Variants in ADARB2 observed in about 807,000 individuals in gnomAD.
The protein encoded by ADARB2 is inactive double-stranded RNA-specific editase B2.
In ADARB2, 25 loss-of-function variants were observed where a neutral mutation model predicts 62.2. The observed-to-expected ratio is 0.40, with a 90% confidence interval of 0.29 to 0.56. The LOEUF is 0.56. Ranked by LOEUF, ADARB2 falls within the 20% of genes least tolerant of loss-of-function variation. The pLI is 0.43. For missense variants in ADARB2, 1,071 were observed against 1,077.4 expected (o/e 0.99, Z 0.08); for synonymous variants, 572 against 500.8 (o/e 1.14, Z -1.90).
intron 1 of ADARB2, among the ~76,000 whole-genome samples, chr10:1,627,026 G>A (rs1239968433): frequency 3.3e-5 from 5 of 151,684 alleles, no homozygotes; most frequent in Admixed American, 2.6e-4. Context: ...GGGCCCCGGC[G>A]CACCCGCTAG....
At chr10:1,597,307 C>A (rs1174105667) in intron 1 of ADARB2, among the ~76,000 whole-genome samples, 1 of 152,076 alleles carries the variant, frequency 6.6e-6, no homozygotes, top group Admixed American at 6.6e-5. Context: ...ATCTTTAAGG[C>A]AATTCCCAAT....
intron 1 of ADARB2, among the ~76,000 whole-genome samples, chr10:1,512,501 A>C (rs1217936860): frequency 6.6e-6 from 1 of 152,224 alleles, no homozygotes; most frequent in African/African-American, 2.4e-5. Flanking sequence ...TCCTCAAAGC[A>C]ACAGAATGAG....
rs188005720 is a variant in ADARB2, at chr10:1,418,625, C to T, written c.101-39465G>A. 7.2e-5 allele frequency among the ~76,000 whole-genome samples: 11 copies of T among 152,270 alleles called. No homozygotes were observed. The East Asian group carries it at 1.3e-3, about 19-fold the overall frequency. On this transcript the variant is annotated intron_variant, in intron 1 of 9. Transcript: ENST00000381312. ...TCTGGTGTCTTGAGGAAATTATTTCCGCTATTATCTTTCACACAGGGCTCT... is the reference window on the plus strand; with the variant it reads ...TCTGGTGTCTTGAGGAAATTATTTCTGCTATTATCTTTCACACAGGGCTCT...
chr10:1,308,663 G>T (rs1038667112), intron 3 of ADARB2, among the ~76,000 whole-genome samples: 1 of 152,202 alleles, frequency 6.6e-6, no homozygotes, highest in Non-Finnish European at 1.5e-5. Context: ...CTGGCATTTG[G>T]TGGTGTCAGT....
chr10:1,479,881 A>C (rs1421196808), intron 1 of ADARB2, among the ~76,000 whole-genome samples: 1 of 152,232 alleles, frequency 6.6e-6, no homozygotes, highest in African/African-American at 2.4e-5. Context: ...CTCCGTGCTT[A>C]AGCCAGGTTC....
chr10:1,241,228 C>T (rs552992761), intron 5 of ADARB2, among the ~76,000 whole-genome samples: 2 of 152,048 alleles, frequency 1.3e-5, no homozygotes, highest in South Asian at 4.2e-4. Context: ...CATTGCACTC[C>T]AGCCTGGGCG....
intron 1 of ADARB2, among the ~76,000 whole-genome samples, chr10:1,508,643 G>A (rs1219738736): frequency 6.6e-6 from 1 of 152,210 alleles, no homozygotes; most frequent in Non-Finnish European, 1.5e-5. Context: ...GCCGGATGTG[G>A]TGGTGGGCAC....
At chr10:1,690,216 C>A (rs191181997) in intron 1 of ADARB2, among the ~76,000 whole-genome samples, 1 of 152,204 alleles carries the variant, frequency 6.6e-6, no homozygotes, top group Non-Finnish European at 1.5e-5. Flanking sequence ...CTCGTAGGAG[C>A]ACATGCTCAG....
intron 6 of ADARB2, among the ~76,000 whole-genome samples, chr10:1,227,823 A>T (rs1589157957): frequency 2.0e-5 from 3 of 152,242 alleles, no homozygotes; most frequent in African/African-American, 7.2e-5. Flanking sequence ...TGTCTTCAAA[A>T]GGCATATCCC....
chr10:1,211,641 A>T (rs973578196), intron 7 of ADARB2, among the ~76,000 whole-genome samples: 3 of 152,234 alleles, frequency 2.0e-5, no homozygotes, highest in Non-Finnish European at 4.4e-5. Flanking sequence ...AGAAAGAAAC[A>T]ATCACGTGTG....
At chr10:1,194,462 A>G (rs1182417429) in intron 8 of ADARB2, among the ~76,000 whole-genome samples, 1 of 152,238 alleles carries the variant, frequency 6.6e-6, no homozygotes, top group East Asian at 1.9e-4. Context: ...CTTAAAATAA[A>G]TATCTATCAA....
At chr10:1,414,710 T>C (rs2820664) in intron 1 of ADARB2, among the ~76,000 whole-genome samples, 149,119 of 152,290 alleles carry the variant, frequency 0.98, 73,093 homozygotes, top group Middle Eastern at 1. Context: ...CGATGGCCCC[T>C]GGTCCCACCT....
intron 1 of ADARB2, among the ~76,000 whole-genome samples, chr10:1,403,319 T>C (rs1326473462): frequency 1.3e-5 from 2 of 152,124 alleles, no homozygotes; most frequent in Non-Finnish European, 2.9e-5. Context: ...GAGTCCCCCA[T>C]GTGTAAAGGG....
At chr10:1,202,087 G>C (rs1277289877) in intron 7 of ADARB2, among the ~76,000 whole-genome samples, 2 of 146,672 alleles carry the variant, frequency 1.4e-5, no homozygotes, top group African/African-American at 4.9e-5. Context: ...GGAACAATGG[G>C]AAGTGTTTTC....
intron 1 of ADARB2, among the ~76,000 whole-genome samples, chr10:1,538,255 C>G (rs2676779): frequency 0.017 from 2,629 of 152,282 alleles, 79 homozygotes; most frequent in African/African-American, 0.06. Flanking sequence ...CTGCAGGGGT[C>G]GCAGACCTCT....
intron 3 of ADARB2, among the ~76,000 whole-genome samples, chr10:1,272,953 C>T (rs1371941019): frequency 6.6e-6 from 1 of 152,218 alleles, no homozygotes; most frequent in Non-Finnish European, 1.5e-5. Context: ...TCTCCTGGCT[C>T]CAGGCCTCCG....
chr10:1,270,123 A>T (rs1236738141), intron 4 of ADARB2, among the ~76,000 whole-genome samples: 3 of 152,202 alleles, frequency 2.0e-5, no homozygotes, highest in Non-Finnish European at 2.9e-5. Context: ...GTGTTCCCAC[A>T]CCCAGCAAGA....
At chr10:1,289,844 T>G (rs986812282) in intron 3 of ADARB2, among the ~76,000 whole-genome samples, 15 of 152,208 alleles carry the variant, frequency 9.9e-5, no homozygotes, top group African/African-American at 1.4e-4. Flanking sequence ...GAGGGGCAGG[T>G]AGGCGTTCGC....
At chr10:1,643,122 G>A (rs1833998976) in intron 1 of ADARB2, among the ~76,000 whole-genome samples, 1 of 152,202 alleles carries the variant, frequency 6.6e-6, no homozygotes, top group South Asian at 2.1e-4. Context: ...GGACTGGTGA[G>A]CAGCAAAACT....
Sources: gnomAD v4.1 joint callset for allele counts (sites outside exome capture counted in the v4.1 genomes callset) on GRCh38, gnomAD v4.1.1 for gene constraint, MANE v1.5 for transcripts, NCBI Gene and HGNC (gene_info 2026-07-23, HGNC 2026-07-21) for gene names.